B3GLCT: variants seen among roughly 807,000 people sequenced by gnomAD.
The protein encoded by B3GLCT is beta-1,3-glucosyltransferase.
A neutral mutation model predicts 63.4 loss-of-function variants in B3GLCT; 65 were observed. That is an observed-to-expected ratio of 1.03 (90% CI 0.84 to 1.26). The LOEUF (loss-of-function observed/expected upper bound fraction) is 1.26. Ranked by LOEUF, B3GLCT falls within the 50% of genes most tolerant of loss-of-function variation. B3GLCT has a pLI of 0.00. For missense variants in B3GLCT, 577 were observed against 604.8 expected (o/e 0.95, Z 0.48); for synonymous variants, 233 against 219.2 (o/e 1.06, Z -0.55).
chr13:31,315,091 C>G (rs1799096123), intron 12 of B3GLCT, among the ~76,000 whole-genome samples: 1 of 152,192 alleles, frequency 6.6e-6, no homozygotes, highest in Non-Finnish European at 1.5e-5. Flanking sequence ...TCGTTTGCTT[C>G]CCAGTCTTGA....
chr13:31,259,434 T>C lies in B3GLCT; in HGVS notation c.460-1512T>C, dbSNP rs1055114999. On this transcript the variant is annotated intron_variant, in intron 6 of 14. Coordinates refer to ENST00000343307, the MANE Select transcript of B3GLCT (RefSeq NM_194318.4). ...ATAGACTGCCCTTACTCCAGAGCCA[T>C]TTTGTCCTGGCAGTCTGAACTCCAA... Among the ~76,000 whole-genome samples the C allele has an allele frequency of 2.6e-5, 4 of 151,976 alleles. No homozygotes were observed. The South Asian group carries it at 8.3e-4, about 32-fold the overall frequency.
At chr13:31,281,249 A>G (rs1439522509) in intron 10 of B3GLCT, among the ~76,000 whole-genome samples, 3 of 152,112 alleles carry the variant, frequency 2.0e-5, no homozygotes, top group East Asian at 3.9e-4. Context: ...CTAGGCTCTT[A>G]AAAATTAGCA....
intron 14 of B3GLCT, among the ~76,000 whole-genome samples, chr13:31,325,763 T>C (rs553498273): frequency 2.0e-5 from 3 of 152,258 alleles, no homozygotes; most frequent in Non-Finnish European, 4.4e-5. Flanking sequence ...GTTTAAACAC[T>C]GATCCAAACT....
chr13:31,200,142 A>T lies in B3GLCT; in HGVS notation c.58A>T (p.Thr20Ser). ...GCCGCCGGCGCTGCTCGCGCTCCTCACCTGCTCCCTGGGTAAGTAGCGGGC... is the reference window on the plus strand; with the variant it reads ...GCCGCCGGCGCTGCTCGCGCTCCTCTCCTGCTCCCTGGGTAAGTAGCGGGC... ...LAPPALLALL[T>S]CSLAFGLASE... Residue 20 changes from threonine to serine, a missense_variant, in exon 1 of 15, where the codon ACC (threonine) becomes TCC (serine). Thr to Ser is a moderately conservative substitution (Grantham distance 58). Coordinates refer to ENST00000343307, the MANE Select transcript of B3GLCT (RefSeq NM_194318.4). The T allele has an allele frequency of 7.4e-7, 1 of 1,358,556 alleles. No homozygotes were observed. Among genetic ancestry groups the T allele is most frequent in the Non-Finnish European group, 9.6e-7 (1 of 1,045,346 alleles). 84.2% of individuals were successfully genotyped at this position (1,358,556 alleles called of 1,614,324 possible).
chr13:31,310,503 C>G (rs1039102104), intron 12 of B3GLCT, among the ~76,000 whole-genome samples: 5 of 152,196 alleles, frequency 3.3e-5, no homozygotes, highest in African/African-American at 1.2e-4. Context: ...GCCTAGACCT[C>G]AGGATTCCCT....
At chr13:31,287,464 T>C (rs1229118733) in intron 12 of B3GLCT, among the ~76,000 whole-genome samples, 2 of 152,176 alleles carry the variant, frequency 1.3e-5, no homozygotes, top group Non-Finnish European at 2.9e-5. Context: ...CTAAGCACTT[T>C]TCCAGTCCTG....
chr13:31,316,433 A>ATATATATT (rs1566096065), intron 12 of B3GLCT, among the ~76,000 whole-genome samples: 3 of 114,458 alleles, frequency 2.6e-5, no homozygotes, highest in Non-Finnish European at 3.6e-5. Flanking sequence ...ATATATATAA[A>ATATATATT]TTTTTTTTTT....
At chr13:31,313,509 T>C (rs1165966807) in intron 12 of B3GLCT, among the ~76,000 whole-genome samples, 1 of 152,168 alleles carries the variant, frequency 6.6e-6, no homozygotes, top group Non-Finnish European at 1.5e-5. Flanking sequence ...CCCTAGAGAT[T>C]TGTGAAACTT....
rs575995941 is a variant in B3GLCT, at chr13:31,224,995, A to G, written c.160+2004A>G. 1.5e-4 allele frequency among the ~76,000 whole-genome samples: 23 copies of G among 152,284 alleles called. No individual in the cohort carries two copies. The East Asian group carries it at 3.7e-3, about 24-fold the overall frequency. On this transcript the variant is annotated intron_variant, in intron 3 of 14. Coordinates refer to ENST00000343307, the MANE Select transcript of B3GLCT (RefSeq NM_194318.4). Reference sequence around the variant, plus strand: ...CATAGAAGAATCATTGCTCTTCAGCATCCATTTTCTAACTATCTCTCTGTC... The same window carrying G: ...CATAGAAGAATCATTGCTCTTCAGCGTCCATTTTCTAACTATCTCTCTGTC...
At chr13:31,290,358 T>A (rs984755059) in intron 12 of B3GLCT, among the ~76,000 whole-genome samples, 1 of 152,234 alleles carries the variant, frequency 6.6e-6, no homozygotes, top group Admixed American at 6.5e-5. Flanking sequence ...GAATGACTTA[T>A]AATCCTTTGG....
intron 12 of B3GLCT, among the ~76,000 whole-genome samples, chr13:31,316,430 T>TATATAA (rs1298458509): frequency 1.7e-5 from 2 of 118,194 alleles, no homozygotes; most frequent in African/African-American, 6.3e-5. Flanking sequence ...TATATATATA[T>TATATAA]AAATTTTTTT....
intron 1 of B3GLCT, among the ~76,000 whole-genome samples, chr13:31,206,584 C>CAA (rs11322955): frequency 3.0e-4 from 36 of 118,686 alleles, no homozygotes; most frequent in African/African-American, 9.8e-4. Flanking sequence ...ACTAAAAATG[C>CAA]AAAAAAAAAA....
intron 4 of B3GLCT, among the ~76,000 whole-genome samples, chr13:31,233,368 C>T (rs1372887287): frequency 1.3e-5 from 2 of 151,988 alleles, no homozygotes; most frequent in African/African-American, 4.8e-5. Context: ...ATTCACTTGA[C>T]TAACACAGAC....
intron 12 of B3GLCT, among the ~76,000 whole-genome samples, chr13:31,306,477 C>T (rs1270803312): frequency 1.1e-4 from 11 of 103,188 alleles, no homozygotes; most frequent in Admixed American, 4.6e-4. Flanking sequence ...GCAACTTCAG[C>T]GAAGTCTCAG....
intron 12 of B3GLCT, among the ~76,000 whole-genome samples, chr13:31,297,599 A>T (rs1286394727): frequency 6.6e-6 from 1 of 151,968 alleles, no homozygotes; most frequent in Non-Finnish European, 1.5e-5. Context: ...TGGACACCAA[A>T]TGGGTGTCCT....
chr13:31,265,004 A>G (rs1031911501), intron 7 of B3GLCT, among the ~76,000 whole-genome samples: 14 of 152,030 alleles, frequency 9.2e-5, no homozygotes, highest in African/African-American at 3.4e-4. Flanking sequence ...ATTTATCCTA[A>G]ATCTGGTTCC....
intron 12 of B3GLCT, among the ~76,000 whole-genome samples, chr13:31,316,299 G>T (rs1407151858): frequency 6.6e-6 from 1 of 150,612 alleles, no homozygotes; most frequent in African/African-American, 2.4e-5. Context: ...AGCCACAGGG[G>T]CTGTCCCCTG....
chr13:31,313,668 G>A (rs761323268), intron 12 of B3GLCT, among the ~76,000 whole-genome samples: 13 of 152,204 alleles, frequency 8.5e-5, no homozygotes, highest in East Asian at 3.8e-4. Flanking sequence ...CCCTGACTAC[G>A]CGATAGGAAA....
Position 31,329,890 on chromosome 13 carries a change from G to A in B3GLCT, c.*222G>A. 1 of 566,200 alleles carries A rather than the reference G, an allele frequency of 1.8e-6. No individual in the cohort carries two copies. The highest frequency in any genetic ancestry group is 2.0e-5 in the South Asian group (1 of 50,090). 35.1% of individuals were successfully genotyped at this position (566,200 alleles called of 1,614,324 possible). On this transcript the variant is annotated 3_prime_UTR_variant, in exon 15 of 15. Transcript: ENST00000343307. Reference sequence around the variant, plus strand: ...GAAAAATCACTTGCTTTTGACTTATGCAGTTGTTTTAACACTTAGTGATGA... The same window carrying A: ...GAAAAATCACTTGCTTTTGACTTATACAGTTGTTTTAACACTTAGTGATGA...
Sources: allele counts gnomAD v4.1 joint callset (sites outside exome capture counted in the v4.1 genomes callset), GRCh38; gene constraint gnomAD v4.1.1; transcripts MANE v1.5; gene names NCBI Gene and HGNC (gene_info 2026-07-23, HGNC 2026-07-21).